The following NCOA2 variants were observed in gnomAD, a reference collection of about 807,000 sequenced individuals.
NCOA2 encodes the protein class E basic helix-loop-helix protein 75.
A neutral mutation model predicts 145.1 loss-of-function variants in NCOA2; 21 were observed. That is an observed-to-expected ratio of 0.14 (90% CI 0.10 to 0.21). The LOEUF (loss-of-function observed/expected upper bound fraction) is 0.21, where lower values mean the gene tolerates loss of function less well. Among genes scored for constraint, NCOA2 ranks in the 10% least tolerant of loss-of-function variants. The pLI is 1.00. For missense variants in NCOA2, 1,472 were observed against 1,837.6 expected (o/e 0.80, Z 3.64); for synonymous variants, 619 against 637.5 (o/e 0.97, Z 0.44).
intron 1 of NCOA2, among the ~76,000 whole-genome samples, chr8:70,371,402 T>A (rs1811204641): frequency 6.6e-6 from 1 of 152,000 alleles, no homozygotes; most frequent in African/African-American, 2.4e-5. Flanking sequence ...AATAAAAAAA[T>A]ACAAAATAAA....
At chr8:70,245,853 C>T (rs1312229376) in intron 2 of NCOA2, among the ~76,000 whole-genome samples, 1 of 152,094 alleles carries the variant, frequency 6.6e-6, no homozygotes, top group African/African-American at 2.4e-5. Context: ...TGATATAAAT[C>T]TGACAAATCT....
rs760070039 is a variant in NCOA2 at position 70,170,162 on chromosome 8, G to C, written c.541+40C>G. ...GTGTGTATGAGGCAGGGCAGGTGGG[G>C]GTGACGGGAGGTAGGGAGGGAGACC... On this transcript the variant is annotated intron_variant, in intron 6 of 22. Coordinates refer to ENST00000452400, the MANE Select transcript of NCOA2 (RefSeq NM_006540.4). 4.4e-6 allele frequency: 7 copies of C among 1,587,518 alleles called. No individual in the cohort carries two copies. The South Asian group carries it at 7.9e-5, about 18-fold the overall frequency.
Position 70,321,792 on chromosome 8 carries a change from CCTT to C in NCOA2, c.-76-24995_-76-24993del, listed in dbSNP as rs1275686705. The stretch of plus-strand genomic sequence containing the variant: ...ATGCTTTCCTAAGTTTCAGAATATA[CCTT>C]TTTTTTTTTTTTTTTTTTTTTTTTT... On this transcript the variant is annotated intron_variant, in intron 1 of 22. Coordinates refer to ENST00000452400, the MANE Select transcript of NCOA2 (RefSeq NM_006540.4). Among the ~76,000 whole-genome samples, 8 of 97,540 alleles carry C rather than the reference CCTT, an allele frequency of 8.2e-5. No homozygotes were observed. In the East Asian group the frequency reaches 1.6e-3, roughly 19 times the overall value. 64.0% of individuals were successfully genotyped at this position (97,540 alleles called of 152,430 possible). A position where few individuals can be genotyped will look rare whatever the true frequency, so the allele number is the denominator to read the frequency against.
At chr8:70,204,299 T>C (rs1435598212) in intron 4 of NCOA2, among the ~76,000 whole-genome samples, 4 of 152,060 alleles carry the variant, frequency 2.6e-5, no homozygotes, top group Admixed American at 2.6e-4. Flanking sequence ...TAAGCCACCA[T>C]GACCGGCGAA....
intron 1 of NCOA2, among the ~76,000 whole-genome samples, chr8:70,397,472 A>T (rs1193307173): frequency 6.6e-6 from 1 of 152,060 alleles, no homozygotes; most frequent in Non-Finnish European, 1.5e-5. Flanking sequence ...AAAAAAAAAA[A>T]AAAAAAGAGC....
chr8:70,191,778 T>C (rs983722072), intron 4 of NCOA2, among the ~76,000 whole-genome samples: 1 of 152,174 alleles, frequency 6.6e-6, no homozygotes, highest in African/African-American at 2.4e-5. Context: ...CGGTGGCTCA[T>C]GCCTGTAATC....
At chr8:70,417,441 C>T in the NCOA2 span, among the ~76,000 whole-genome samples, 6 of 151,636 alleles carry the variant, frequency 4.0e-5, no homozygotes, top group Admixed American at 6.6e-5. Context: ...CCCAGCTATT[C>T]GGGAAGCTGA....
the NCOA2 span, among the ~76,000 whole-genome samples, chr8:70,426,905 G>T: frequency 6.6e-6 from 1 of 152,120 alleles, no homozygotes; most frequent in Non-Finnish European, 1.5e-5. Context: ...GGATCCTCCT[G>T]CCTCAGCTTC....
intron 12 of NCOA2, among the ~76,000 whole-genome samples, chr8:70,147,348 T>A (rs1320367835): frequency 2.0e-5 from 3 of 152,226 alleles, no homozygotes; most frequent in African/African-American, 7.2e-5. Context: ...CAGAAATCAC[T>A]TGAGAAAAGA....
chr8:70,437,147 T>A, the NCOA2 span, among the ~76,000 whole-genome samples: 1 of 152,226 alleles, frequency 6.6e-6, no homozygotes, highest in Admixed American at 6.5e-5. Flanking sequence ...TTTCTACATA[T>A]GCTATTCCCT....
chr8:70,402,566 A>T (rs1464834873), intron 1 of NCOA2: 1 of 151,950 alleles, frequency 6.6e-6, no homozygotes, highest in Non-Finnish European at 1.5e-5. Context: ...CGCAGCCGGC[A>T]GCGACGACCC....
intron 2 of NCOA2, among the ~76,000 whole-genome samples, chr8:70,242,394 T>C (rs1822216141): frequency 6.6e-6 from 1 of 152,160 alleles, no homozygotes; most frequent in Admixed American, 6.6e-5. Context: ...TTGTACTATA[T>C]TAGTGATTAC....
At chr8:70,193,827 G>C (rs1303379071) in intron 4 of NCOA2, among the ~76,000 whole-genome samples, 1 of 152,148 alleles carries the variant, frequency 6.6e-6, no homozygotes, top group Non-Finnish European at 1.5e-5. Flanking sequence ...AGAAATAGAG[G>C]ATACAGGCTC....
At chr8:70,371,866 TG>T (rs1811251319) in intron 1 of NCOA2, among the ~76,000 whole-genome samples, 1 of 152,334 alleles carries the variant, frequency 6.6e-6, no homozygotes, top group East Asian at 1.9e-4. Flanking sequence ...TTTTAAAAAC[TG>T]TAAGTTTTTA....
intron 4 of NCOA2, among the ~76,000 whole-genome samples, chr8:70,185,573 G>A (rs567411712): frequency 6.6e-6 from 1 of 152,290 alleles, no homozygotes; most frequent in East Asian, 1.9e-4. Flanking sequence ...GGCTGCTTGT[G>A]GCCAGGGCGC....
At chr8:70,164,686 G>T (rs999868463) in intron 7 of NCOA2, among the ~76,000 whole-genome samples, 1 of 152,016 alleles carries the variant, frequency 6.6e-6, no homozygotes, top group Non-Finnish European at 1.5e-5. Flanking sequence ...TTGCTCTACT[G>T]TAGTCTTTTA....
intron 5 of NCOA2, among the ~76,000 whole-genome samples, chr8:70,171,811 C>CA (rs895084701): frequency 2.6e-5 from 4 of 151,590 alleles, no homozygotes; most frequent in African/African-American, 9.7e-5. Flanking sequence ...CACAGGTATG[C>CA]ACCACCACAC....
intron 1 of NCOA2, among the ~76,000 whole-genome samples, chr8:70,302,659 T>C (rs1189355684): frequency 6.6e-6 from 1 of 152,210 alleles, no homozygotes; most frequent in African/African-American, 2.4e-5. Flanking sequence ...TTTAGGTTAA[T>C]AAAACCAGTG....
chr8:70,175,005 C>A, intron 4 of NCOA2, 146 bp from the exon 5 acceptor site: 1 of 688,192 alleles, frequency 1.5e-6, no homozygotes. Flanking sequence ...CCTGTTGCCC[C>A]TAAATGGGAG....
Sources: allele counts gnomAD v4.1 joint callset (sites outside exome capture counted in the v4.1 genomes callset), GRCh38; gene constraint gnomAD v4.1.1; transcripts MANE v1.5; gene names NCBI Gene and HGNC (gene_info 2026-07-23, HGNC 2026-07-21).